Variants in CAMTA1 observed in about 807,000 individuals in gnomAD.
The protein encoded by CAMTA1 is calmodulin binding transcription activator 1.
CAMTA1 carries 27 observed loss-of-function variants against 170.9 expected under a neutral mutation model. The ratio of observed to expected loss-of-function variants is 0.16; its 90% CI spans 0.12 to 0.22. The LOEUF (loss-of-function observed/expected upper bound fraction) is 0.22. Ranked by LOEUF, CAMTA1 falls within the 10% of genes least tolerant of loss-of-function variation. The pLI, the probability that CAMTA1 is intolerant of heterozygous loss-of-function variation, is 1.00. For missense variants in CAMTA1, 1,619 were observed against 2,217.2 expected, an observed-to-expected ratio of 0.73 and a Z score of 5.42; for synonymous variants, 833 against 891.5, an observed-to-expected ratio of 0.93 and a Z score of 1.17.
At chr1:7,344,741 CTCAAG>C (rs959136293) in intron 5 of CAMTA1, among the ~76,000 whole-genome samples, 243 of 145,090 alleles carry the variant, frequency 1.7e-3, no homozygotes, top group African/African-American at 6.0e-3. Context: ...CTCTTTCCTG[CTCAAG>C]TCTTTTTTTT....
At chr1:7,369,789 T>A (rs2086297168) in intron 5 of CAMTA1, among the ~76,000 whole-genome samples, 1 of 152,072 alleles carries the variant, frequency 6.6e-6, no homozygotes, top group Non-Finnish European at 1.5e-5. Flanking sequence ...CTTATCACAT[T>A]GTTAGACTCT....
At chr1:7,148,800 T>C (rs1396149141) in intron 4 of CAMTA1, among the ~76,000 whole-genome samples, 2 of 152,256 alleles carry the variant, frequency 1.3e-5, no homozygotes, top group Admixed American at 1.3e-4. Flanking sequence ...TGCAGAGCAC[T>C]GACTGCCAGT....
At chr1:7,542,879 G>GTGTGTGTTTT (rs1459264062) in intron 6 of CAMTA1, among the ~76,000 whole-genome samples, 1 of 138,172 alleles carries the variant, frequency 7.2e-6, no homozygotes, top group African/African-American at 2.8e-5. Flanking sequence ...GTGTGTGTGT[G>GTGTGTGTTTT]TTTGAGCCGG....
Position 7,257,853 on chromosome 1 carries a change from G to A in CAMTA1, c.438+8227G>A, listed in dbSNP as rs552655081. Reference sequence around the variant, plus strand: ...TTCCTTTGAACCTTTGCAGACAGAGGTTTGTCTGTTTTGGATATTGGTCCC... The same window carrying A: ...TTCCTTTGAACCTTTGCAGACAGAGATTTGTCTGTTTTGGATATTGGTCCC... On this transcript the variant is annotated intron_variant, in intron 5 of 22. Transcript: ENST00000303635. 2.0e-5 allele frequency among the ~76,000 whole-genome samples: 3 copies of A among 152,320 alleles called. No individual in the cohort carries two copies. The East Asian group carries it at 5.8e-4, about 29-fold the overall frequency.
intron 5 of CAMTA1, among the ~76,000 whole-genome samples, chr1:7,312,324 C>T (rs1030438679): frequency 6.6e-6 from 1 of 151,892 alleles, no homozygotes; most frequent in Admixed American, 6.6e-5. Flanking sequence ...AAACAAAAAA[C>T]GGGATTTCTT....
At chr1:7,410,802 G>A (rs1244826271) in intron 5 of CAMTA1, among the ~76,000 whole-genome samples, 2 of 152,310 alleles carry the variant, frequency 1.3e-5, no homozygotes, top group Non-Finnish European at 2.9e-5. Flanking sequence ...AAAGCAGGGC[G>A]TTCTGGGCCC....
chr1:7,308,370 T>C (rs1402702457), intron 5 of CAMTA1, among the ~76,000 whole-genome samples: 4 of 152,068 alleles, frequency 2.6e-5, no homozygotes, highest in Non-Finnish European at 5.9e-5. Context: ...ATTCTTATTT[T>C]ACTATCTCCT....
At chr1:7,157,882 G>A (rs901389598) in intron 4 of CAMTA1, among the ~76,000 whole-genome samples, 2 of 152,130 alleles carry the variant, frequency 1.3e-5, no homozygotes, top group East Asian at 1.9e-4. Flanking sequence ...TTTGGGGGCC[G>A]GGCGCGGTGG....
Position 7,565,155 on chromosome 1 carries a change from AC to A in CAMTA1, c.511-75240del, listed in dbSNP as rs1557925576. ...TGTGCTACCTGGATATACCCCTCAC[AC>A]CCCCACCCTCCACTTGCCAGCCGAT... On this transcript the variant is annotated intron_variant, in intron 6 of 22. Transcript: ENST00000303635. This position sits in a 1 kb window ranked among gnomAD's most constrained non-coding sequence, Gnocchi z 4.5. 6.6e-6 allele frequency among the ~76,000 whole-genome samples: 1 copy of A among 151,710 alleles called. No homozygotes were observed. The highest frequency in any genetic ancestry group is 1.5e-5 in the Non-Finnish European group (1 of 67,894).
At chr1:7,428,428 G>C (rs146695907) in intron 5 of CAMTA1, among the ~76,000 whole-genome samples, 35 of 144,784 alleles carry the variant, frequency 2.4e-4, no homozygotes, top group South Asian at 8.4e-4. Flanking sequence ...GGATTTTACC[G>C]AGGGCCGATC....
intron 5 of CAMTA1, among the ~76,000 whole-genome samples, chr1:7,270,778 T>G (rs1020015207): frequency 1.3e-5 from 2 of 152,162 alleles, no homozygotes; most frequent in Non-Finnish European, 2.9e-5. Context: ...TCCAAAAGTG[T>G]GAGGACAGCC....
rs144473206 is a variant in CAMTA1 at position 7,733,687 on chromosome 1, T to G, written c.3066+1088T>G. On this transcript the variant is annotated intron_variant, in intron 12 of 22. Transcript: ENST00000303635. The stretch of plus-strand genomic sequence containing the variant: ...CAGTCGTTGCAAAAAAAACCTCAAA[T>G]AATGCCCCCTCTTTCTCTTCAAGAC... Among the ~76,000 whole-genome samples, 62 of 152,106 alleles carry G rather than the reference T, an allele frequency of 4.1e-4. No individual in the cohort carries two copies. In the East Asian group the frequency reaches 9.4e-3, roughly 23 times the overall value.
intron 3 of CAMTA1, among the ~76,000 whole-genome samples, chr1:7,026,792 A>C (rs1023192893): frequency 2.6e-5 from 4 of 151,884 alleles, no homozygotes; most frequent in African/African-American, 9.7e-5. Context: ...CACCACATCC[A>C]GCTAATTTTT....
chr1:7,148,103 C>CCACA (rs1380219876), intron 4 of CAMTA1, among the ~76,000 whole-genome samples: 1 of 151,480 alleles, frequency 6.6e-6, no homozygotes, highest in South Asian at 2.1e-4. Flanking sequence ...CAAACATACA[C>CCACA]CACACACACG....
chr1:7,177,809 C>T (rs1259141022), intron 4 of CAMTA1, among the ~76,000 whole-genome samples: 2 of 151,756 alleles, frequency 1.3e-5, no homozygotes, highest in African/African-American at 4.8e-5. Context: ...GCTCTTCCCA[C>T]ACACTGAGCC....
At chr1:7,552,004 G>A (rs953956922) in intron 6 of CAMTA1, among the ~76,000 whole-genome samples, 2 of 152,218 alleles carry the variant, frequency 1.3e-5, no homozygotes, top group Non-Finnish European at 1.5e-5. Flanking sequence ...AATCCTAGAA[G>A]TGGGCCTGTA....
intron 3 of CAMTA1, among the ~76,000 whole-genome samples, chr1:6,977,435 G>C (rs965002141): frequency 6.6e-6 from 1 of 151,984 alleles, no homozygotes; most frequent in Non-Finnish European, 1.5e-5. Flanking sequence ...CCACCTCCCA[G>C]GTTCAAGAAA....
chr1:7,079,774 G>GA (rs1419054271), intron 3 of CAMTA1, among the ~76,000 whole-genome samples: 8 of 151,930 alleles, frequency 5.3e-5, no homozygotes, highest in African/African-American at 1.2e-4. Context: ...TGCCCAGCAA[G>GA]AAAAAATCTT....
chr1:7,603,649 G>A (rs1012825482), intron 6 of CAMTA1, among the ~76,000 whole-genome samples: 1 of 152,122 alleles, frequency 6.6e-6, no homozygotes, highest in African/African-American at 2.4e-5. Context: ...TTGCCAGTCT[G>A]TGTCTTTTAA....
Sources: allele counts gnomAD v4.1 joint callset (sites outside exome capture counted in the v4.1 genomes callset), GRCh38; gene constraint gnomAD v4.1.1; non-coding constraint Gnocchi (gnomAD v3.1); transcripts MANE v1.5; gene names NCBI Gene and HGNC (gene_info 2026-07-23, HGNC 2026-07-21).